Variants in AMPH observed in about 807,000 individuals in gnomAD.
AMPH encodes the protein amphiphysin (Stiff-Mann syndrome with breast cancer 128kD autoantigen).
Under a neutral mutation model 99.1 loss-of-function variants are expected in AMPH, and 49 were observed. That is an observed-to-expected ratio of 0.49 (90% CI 0.39 to 0.63). The LOEUF (loss-of-function observed/expected upper bound fraction) is 0.63. Among genes scored for constraint, AMPH ranks in the 20% least tolerant of loss-of-function variants. The pLI, the probability that AMPH is intolerant of heterozygous loss-of-function variation, is 0.00. For missense variants in AMPH, 759 were observed against 863.4 expected (o/e 0.88, Z 1.52); for synonymous variants, 314 against 317.3 (o/e 0.99, Z 0.11).
chr7:38,423,132 T>A (rs1785652554), intron 15 of AMPH, among the ~76,000 whole-genome samples: 1 of 152,226 alleles, frequency 6.6e-6, no homozygotes, highest in African/African-American at 2.4e-5. Flanking sequence ...CAGAAGTTAG[T>A]GGTTGAAGCT....
intron 17 of AMPH, among the ~76,000 whole-genome samples, chr7:38,416,102 A>AAAATATAT (rs1554332928): frequency 2.0e-5 from 2 of 100,510 alleles, no homozygotes; most frequent in African/African-American, 7.2e-5. Flanking sequence ...CAAACATATG[A>AAAATATAT]ATATATATAT....
intron 20 of AMPH, among the ~76,000 whole-genome samples, chr7:38,385,730 C>T (rs1784333222): frequency 6.6e-6 from 1 of 152,056 alleles, no homozygotes; most frequent in African/African-American, 2.4e-5. Context: ...AGAACCCATC[C>T]ATATATGGTC....
intron 14 of AMPH, chr7:38,429,502 T>C: frequency 7.4e-7 from 1 of 1,348,196 alleles, no homozygotes; most frequent in South Asian, 1.2e-5. Flanking sequence ...GATCTTTGAA[T>C]TTCTTCGGCC....
intron 1 of AMPH, among the ~76,000 whole-genome samples, chr7:38,614,662 C>T (rs1171852998): frequency 2.0e-5 from 3 of 152,134 alleles, no homozygotes; most frequent in East Asian, 3.8e-4. Context: ...GTAAGATGTT[C>T]ATCTTGTAAG....
intron 17 of AMPH, among the ~76,000 whole-genome samples, chr7:38,397,104 T>TAC: frequency 6.6e-6 from 1 of 152,256 alleles, no homozygotes; most frequent in East Asian, 1.9e-4. Flanking sequence ...ACACCACCAC[T>TAC]ACACACACAT....
chr7:38,529,274 T>G (rs533066223), intron 2 of AMPH, among the ~76,000 whole-genome samples: 11 of 152,352 alleles, frequency 7.2e-5, no homozygotes, highest in African/African-American at 2.2e-4. Context: ...ACACTAAAGA[T>G]AGACATCAAA....
intron 4 of AMPH, among the ~76,000 whole-genome samples, chr7:38,492,225 C>T (rs1270145049): frequency 2.0e-5 from 3 of 152,198 alleles, no homozygotes; most frequent in Non-Finnish European, 4.4e-5. Context: ...GTGTTCTAGA[C>T]AATGGGATGT....
chr7:38,604,987 G>A (rs1486484412), intron 1 of AMPH, among the ~76,000 whole-genome samples: 1 of 152,130 alleles, frequency 6.6e-6, no homozygotes, highest in East Asian at 1.9e-4. Context: ...TGATTCATTT[G>A]GAAGTTAGTA....
At chr7:38,474,267 A>G (rs757791981) in intron 7 of AMPH, among the ~76,000 whole-genome samples, 5 of 152,112 alleles carry the variant, frequency 3.3e-5, no homozygotes, top group Admixed American at 6.5e-5. Flanking sequence ...AAAATAAAAT[A>G]AAATGAAATA....
chr7:38,505,887 T>C (rs941193661), intron 2 of AMPH, among the ~76,000 whole-genome samples: 7 of 152,174 alleles, frequency 4.6e-5, no homozygotes, highest in Admixed American at 3.3e-4. Flanking sequence ...TGGTAGATTT[T>C]ATTGTCAATC....
rs555644802 is a variant in AMPH at position 38,508,051 on chromosome 7, C to A, written c.151-4347G>T. Among the ~76,000 whole-genome samples, 11 of 152,248 alleles carry A rather than the reference C, an allele frequency of 7.2e-5. No homozygotes were observed. In the South Asian group the frequency reaches 2.1e-3, roughly 29 times the overall value. On this transcript the variant is annotated intron_variant, in intron 2 of 20. Coordinates refer to ENST00000356264, the MANE Select transcript of AMPH (RefSeq NM_001635.4). ...AAAAAGGTATAATTTTGTTAGTTTA[C>A]CTTTAACTCAGTTATTTCTGCCCAG...
chr7:38,483,912 CAA>C (rs1282725391), intron 5 of AMPH, among the ~76,000 whole-genome samples: 2 of 151,826 alleles, frequency 1.3e-5, no homozygotes, highest in African/African-American at 2.4e-5. Flanking sequence ...AGAAATTAAA[CAA>C]AGTGATATAG....
chr7:38,591,274 TTTTC>T (rs1341945356), intron 1 of AMPH, among the ~76,000 whole-genome samples: 2 of 122,630 alleles, frequency 1.6e-5, no homozygotes, highest in Non-Finnish European at 3.4e-5. Flanking sequence ...CTTTCTTTTC[TTTTC>T]TTTTTCTTTT....
intron 3 of AMPH, 126 bp downstream of exon 3, chr7:38,503,516 GGAACACCT>G: frequency 1.6e-6 from 1 of 609,294 alleles, no homozygotes; most frequent in Non-Finnish European, 2.8e-6. Context: ...GTGGTGGAAT[GGAACACCT>G]GTGTTCAAGC....
At chr7:38,606,250 C>A (rs1442624107) in intron 1 of AMPH, among the ~76,000 whole-genome samples, 2 of 152,040 alleles carry the variant, frequency 1.3e-5, no homozygotes, top group Non-Finnish European at 2.9e-5. Context: ...CATTGTAACC[C>A]TTTTTAAATG....
chr7:38,424,510 A>C (rs544631907), intron 15 of AMPH, among the ~76,000 whole-genome samples: 1 of 152,234 alleles, frequency 6.6e-6, no homozygotes, highest in Non-Finnish European at 1.5e-5. Context: ...AGGGTGAAAA[A>C]CCTGTTAGAA....
chr7:38,502,952 T>TC (rs1297496752), intron 3 of AMPH, among the ~76,000 whole-genome samples: 1 of 152,180 alleles, frequency 6.6e-6, no homozygotes, highest in African/African-American at 2.4e-5. Context: ...ATCCATTCTT[T>TC]CCCCACAAAA....
chr7:38,605,467 C>G (rs1793401032), intron 1 of AMPH, among the ~76,000 whole-genome samples: 1 of 152,094 alleles, frequency 6.6e-6, no homozygotes, highest in African/African-American at 2.4e-5. Context: ...ACATTTGGTT[C>G]TCTGTGAAAA....
At chr7:38,600,486 G>T (rs1584291270) in intron 1 of AMPH, among the ~76,000 whole-genome samples, 1 of 151,976 alleles carries the variant, frequency 6.6e-6, no homozygotes. Context: ...CCATAAAAAA[G>T]GTTTTATTTT....
Sources: gnomAD v4.1 joint callset for allele counts (sites outside exome capture counted in the v4.1 genomes callset) on GRCh38, gnomAD v4.1.1 for gene constraint, MANE v1.5 for transcripts, NCBI Gene and HGNC (gene_info 2026-07-23, HGNC 2026-07-21) for gene names.